TMEM132D: variants seen among roughly 807,000 people sequenced by gnomAD.
TMEM132D encodes the protein mature OL transmembrane protein.
TMEM132D carries 21 observed loss-of-function variants against 62.3 expected under a neutral mutation model. That is an observed-to-expected ratio of 0.34 (90% CI 0.24 to 0.49). The LOEUF is 0.49. Among genes scored for constraint, TMEM132D ranks in the 20% least tolerant of loss-of-function variants. The pLI, the probability that TMEM132D is intolerant of heterozygous loss-of-function variation, is 0.99. For missense variants in TMEM132D, 1,346 were observed against 1,402.8 expected, an observed-to-expected ratio of 0.96 and a Z score of 0.65; for synonymous variants, 621 against 575.6, an observed-to-expected ratio of 1.08 and a Z score of -1.13.
At chr12:129,370,397 C>T (rs1286423989) in intron 3 of TMEM132D, among the ~76,000 whole-genome samples, 3 of 152,184 alleles carry the variant, frequency 2.0e-5, no homozygotes, top group Admixed American at 2.0e-4. Context: ...TGAATTGCTC[C>T]TTCACTCTAT....
At chr12:129,870,629 T>G (rs1458465955) in intron 1 of TMEM132D, among the ~76,000 whole-genome samples, 1 of 152,162 alleles carries the variant, frequency 6.6e-6, no homozygotes, top group African/African-American at 2.4e-5. Flanking sequence ...GTTAAATCCT[T>G]TATCAGAAAA....
chr12:129,124,795 G>A (rs1472446025), intron 5 of TMEM132D, among the ~76,000 whole-genome samples: 1 of 152,168 alleles, frequency 6.6e-6, no homozygotes, highest in East Asian at 1.9e-4. Context: ...AACTTTTGGT[G>A]AGTATATGCC....
chr12:129,480,186 C>G (rs996062533), intron 3 of TMEM132D, among the ~76,000 whole-genome samples: 41 of 152,350 alleles, frequency 2.7e-4, no homozygotes, highest in Non-Finnish European at 4.7e-4. Context: ...ATGCCAGAAG[C>G]CCTAGTGTGT....
At chr12:129,248,510 T>A (rs1880182012) in intron 4 of TMEM132D, among the ~76,000 whole-genome samples, 1 of 133,374 alleles carries the variant, frequency 7.5e-6, no homozygotes, top group African/African-American at 2.7e-5. Context: ...ATAACAAACA[T>A]AGAAACAGGG....
chr12:129,499,760 A>G (rs545481625), intron 3 of TMEM132D, among the ~76,000 whole-genome samples: 3 of 152,342 alleles, frequency 2.0e-5, no homozygotes, highest in Admixed American at 1.3e-4. Flanking sequence ...GAATTTAAGT[A>G]GAAAACACAG....
chr12:129,453,279 A>G (rs1175456085), intron 3 of TMEM132D, among the ~76,000 whole-genome samples: 1 of 152,190 alleles, frequency 6.6e-6, no homozygotes. Context: ...AGGCGTGCCT[A>G]CTAAACGAAG....
At chr12:129,546,492 T>G (rs373198864) in intron 2 of TMEM132D, among the ~76,000 whole-genome samples, 3 of 152,128 alleles carry the variant, frequency 2.0e-5, no homozygotes, top group East Asian at 3.9e-4. Flanking sequence ...ATTAACATTG[T>G]CAAGCCCCAG....
At chr12:129,392,279 A>G (rs111551102) in intron 3 of TMEM132D, among the ~76,000 whole-genome samples, 3,078 of 150,520 alleles carry the variant, frequency 0.02, 113 homozygotes, top group African/African-American at 0.073. Flanking sequence ...CTGGTCTCAA[A>G]CTCCTGACCT....
At chr12:129,229,061 G>A (rs1185461972) in intron 4 of TMEM132D, among the ~76,000 whole-genome samples, 1 of 152,200 alleles carries the variant, frequency 6.6e-6, no homozygotes, top group Non-Finnish European at 1.5e-5. Context: ...TCTGAATCCA[G>A]GCTCCCTTGC....
intron 3 of TMEM132D, among the ~76,000 whole-genome samples, chr12:129,461,522 T>C (rs2135732721): frequency 1.3e-5 from 2 of 152,252 alleles, no homozygotes; most frequent in East Asian, 3.9e-4. Context: ...TTATTTTTCC[T>C]TGTATCACAT....
intron 1 of TMEM132D, among the ~76,000 whole-genome samples, chr12:129,816,430 C>G (rs557161830): frequency 6.6e-6 from 1 of 152,122 alleles, no homozygotes; most frequent in Non-Finnish European, 1.5e-5. Context: ...ACCATCGCCC[C>G]GCTTCTGAAA....
At chr12:129,675,995 G>A (rs1295856847) in intron 2 of TMEM132D, among the ~76,000 whole-genome samples, 1 of 152,158 alleles carries the variant, frequency 6.6e-6, no homozygotes, top group African/African-American at 2.4e-5. Context: ...ATGGCCTTTG[G>A]CTTTAAATTA....
At chr12:129,341,958 C>T (rs1460039878) in intron 3 of TMEM132D, among the ~76,000 whole-genome samples, 4 of 152,174 alleles carry the variant, frequency 2.6e-5, no homozygotes, top group African/African-American at 4.8e-5. Flanking sequence ...ATTCCATGCT[C>T]ATGGGTAGGA....
chr12:129,770,068 C>T (rs1163679126), intron 1 of TMEM132D, among the ~76,000 whole-genome samples: 1 of 151,480 alleles, frequency 6.6e-6, no homozygotes, highest in Non-Finnish European at 1.5e-5. Flanking sequence ...AATCCTCCCA[C>T]TTCCCAAAAT....
At chr12:129,568,114 G>A (rs1877417565) in intron 2 of TMEM132D, among the ~76,000 whole-genome samples, 1 of 152,216 alleles carries the variant, frequency 6.6e-6, no homozygotes, top group Non-Finnish European at 1.5e-5. Context: ...AAACTGCTTG[G>A]GTGGCAGGAA....
chr12:129,516,108 T>A (rs1262750149), intron 3 of TMEM132D, among the ~76,000 whole-genome samples: 1 of 152,204 alleles, frequency 6.6e-6, no homozygotes, highest in East Asian at 1.9e-4. Flanking sequence ...CCATTCCATG[T>A]GTGTGGACAT....
At chr12:129,234,303 C>A (rs1879724955) in intron 4 of TMEM132D, among the ~76,000 whole-genome samples, 1 of 152,162 alleles carries the variant, frequency 6.6e-6, no homozygotes, top group Non-Finnish European at 1.5e-5. Context: ...ACCCGAGAAG[C>A]TATTATGAAG....
intron 3 of TMEM132D, among the ~76,000 whole-genome samples, chr12:129,405,112 A>T (rs903483867): frequency 1.3e-5 from 2 of 152,186 alleles, no homozygotes; most frequent in African/African-American, 4.8e-5. Flanking sequence ...TGCTATAACA[A>T]AATACCAGAG....
chr12:129,259,641 G>A (rs1210057673), intron 4 of TMEM132D, among the ~76,000 whole-genome samples: 3 of 152,106 alleles, frequency 2.0e-5, no homozygotes, highest in South Asian at 2.1e-4. Flanking sequence ...AGCTGGGAGC[G>A]AGGTAGGAGG....
Sources: allele counts gnomAD v4.1 joint callset (sites outside exome capture counted in the v4.1 genomes callset), GRCh38; gene constraint gnomAD v4.1.1; transcripts MANE v1.5; gene names NCBI Gene and HGNC (gene_info 2026-07-23, HGNC 2026-07-21).